Variants in CTNNA2 observed in about 807,000 individuals in gnomAD.
CTNNA2 encodes the protein catenin alpha-2.
In CTNNA2, 42 loss-of-function variants were observed where a neutral mutation model predicts 101.0. That is an observed-to-expected ratio of 0.42 (90% CI 0.32 to 0.54). The LOEUF (loss-of-function observed/expected upper bound fraction) is 0.54, where lower values mean the gene tolerates loss of function less well. CTNNA2 is among the 20% of genes least tolerant of loss of function. The pLI is 0.14. For missense variants in CTNNA2, 871 were observed against 1,223.1 expected (o/e 0.71, Z 4.29); for synonymous variants, 450 against 456.4 (o/e 0.99, Z 0.18).
chr2:79,820,625 C>A (rs1677925669), intron 3 of CTNNA2, among the ~76,000 whole-genome samples: 1 of 152,038 alleles, frequency 6.6e-6, no homozygotes, highest in African/African-American at 2.4e-5. Flanking sequence ...CAAGTGTTCA[C>A]ATAATTTTAT....
intron 3 of CTNNA2, among the ~76,000 whole-genome samples, chr2:79,343,294 TA>T (rs543080242): frequency 2.6e-4 from 40 of 151,958 alleles, no homozygotes; most frequent in East Asian, 1.2e-3. Flanking sequence ...AACAAATGTT[TA>T]AAAAAAATAG....
At chr2:79,380,806 C>G (rs1049310231) in intron 4 of CTNNA2, among the ~76,000 whole-genome samples, 2 of 152,146 alleles carry the variant, frequency 1.3e-5, no homozygotes, top group African/African-American at 4.8e-5. Context: ...CTGAAAATTA[C>G]ATTGCAAAAT....
intron 18 of CTNNA2, among the ~76,000 whole-genome samples, chr2:80,626,288 T>G (rs1671677062): frequency 6.6e-6 from 1 of 152,086 alleles, no homozygotes; most frequent in Admixed American, 6.6e-5. Context: ...ATCAAGGACT[T>G]TGACACCTCC....
At chr2:79,743,887 G>A (rs758450789) in intron 2 of CTNNA2, among the ~76,000 whole-genome samples, 3 of 152,244 alleles carry the variant, frequency 2.0e-5, no homozygotes, top group African/African-American at 7.2e-5. Flanking sequence ...AAAGGTCTTC[G>A]AAAGTCCTTG....
At chr2:80,512,622 T>TA (rs940787566) in intron 9 of CTNNA2, among the ~76,000 whole-genome samples, 4 of 152,186 alleles carry the variant, frequency 2.6e-5, no homozygotes, top group African/African-American at 9.7e-5. Context: ...CCTGGTTTAT[T>TA]ATATATACAT....
chr2:79,330,653 G>A (rs1019923908), intron 3 of CTNNA2, among the ~76,000 whole-genome samples: 1 of 152,070 alleles, frequency 6.6e-6, no homozygotes, highest in South Asian at 2.1e-4. Flanking sequence ...TGAATCATGG[G>A]GGCAGACTTT....
intron 7 of CTNNA2, among the ~76,000 whole-genome samples, chr2:80,266,944 G>A (rs1332910807): frequency 6.6e-6 from 1 of 152,086 alleles, no homozygotes; most frequent in Non-Finnish European, 1.5e-5. Context: ...TTGTATGTAA[G>A]GAATTAATTT....
chr2:80,492,867 C>G (rs1687170593), intron 9 of CTNNA2, among the ~76,000 whole-genome samples: 1 of 152,050 alleles, frequency 6.6e-6, no homozygotes, highest in South Asian at 2.1e-4. Context: ...TTTGAGTTAT[C>G]CTTCATACCA....
intron 7 of CTNNA2, among the ~76,000 whole-genome samples, chr2:79,995,875 T>A (rs901270182): frequency 1.3e-5 from 2 of 152,158 alleles, no homozygotes; most frequent in African/African-American, 4.8e-5. Flanking sequence ...GTAGCTAATG[T>A]TTGATTTTAA....
At chr2:80,259,151 T>C (rs763080047) in intron 7 of CTNNA2, among the ~76,000 whole-genome samples, 4 of 152,136 alleles carry the variant, frequency 2.6e-5, no homozygotes, top group African/African-American at 7.2e-5. Context: ...ACTCTTGATT[T>C]TGCGGTTCAA....
chr2:79,666,747 G>A (rs1682447368), intron 2 of CTNNA2, among the ~76,000 whole-genome samples: 1 of 152,188 alleles, frequency 6.6e-6, no homozygotes, highest in South Asian at 2.1e-4. Flanking sequence ...GATAACTTCA[G>A]GAGTAAGAAA....
At chr2:80,143,825 C>A (rs1323639688) in intron 7 of CTNNA2, among the ~76,000 whole-genome samples, 3 of 152,110 alleles carry the variant, frequency 2.0e-5, no homozygotes, top group African/African-American at 7.2e-5. Flanking sequence ...AATTATTGTT[C>A]CAAAGACCCA....
intron 3 of CTNNA2, among the ~76,000 whole-genome samples, chr2:79,799,568 A>G (rs567621455): frequency 1.3e-4 from 20 of 152,226 alleles, no homozygotes; most frequent in Admixed American, 1.3e-3. Context: ...TTTACTGTAC[A>G]TAACAAAGAT....
At chr2:80,440,890 A>G (rs912062631) in intron 9 of CTNNA2, among the ~76,000 whole-genome samples, 2 of 152,100 alleles carry the variant, frequency 1.3e-5, no homozygotes, top group Non-Finnish European at 2.9e-5. Flanking sequence ...CATAGACTTA[A>G]TTTTTCTTCA....
chr2:79,761,572 G>C (rs917218807), intron 3 of CTNNA2, among the ~76,000 whole-genome samples: 2 of 152,070 alleles, frequency 1.3e-5, no homozygotes, highest in Admixed American at 1.3e-4. Flanking sequence ...AAATGTGCAC[G>C]TATTTGTATG....
intron 4 of CTNNA2, among the ~76,000 whole-genome samples, chr2:79,863,882 A>G (rs1681825941): frequency 6.6e-6 from 1 of 152,140 alleles, no homozygotes; most frequent in Non-Finnish European, 1.5e-5. Context: ...AAAGCTGTTC[A>G]TGGAGGGGTG....
chr2:80,530,572 T>C (rs957158884), intron 9 of CTNNA2, among the ~76,000 whole-genome samples: 4 of 152,174 alleles, frequency 2.6e-5, no homozygotes, highest in Non-Finnish European at 5.9e-5. Context: ...ATAAGTGGTA[T>C]TAAGCAGAGG....
chr2:80,453,800 G>A (rs373282507), intron 9 of CTNNA2, among the ~76,000 whole-genome samples: 5 of 152,224 alleles, frequency 3.3e-5, no homozygotes, highest in Admixed American at 6.5e-5. Context: ...CAAAAGATAC[G>A]TTTCTATTCT....
chr2:80,597,890 C>T (rs1425381218), intron 15 of CTNNA2, among the ~76,000 whole-genome samples: 1 of 152,058 alleles, frequency 6.6e-6, no homozygotes, highest in Non-Finnish European at 1.5e-5. Flanking sequence ...ATTAGTTGAA[C>T]CATTGTGGAA....
Sources: allele counts gnomAD v4.1 joint callset (sites outside exome capture counted in the v4.1 genomes callset), GRCh38; gene constraint gnomAD v4.1.1; transcripts MANE v1.5; gene names NCBI Gene and HGNC (gene_info 2026-07-23, HGNC 2026-07-21).